Variants in GTF3C5 observed in about 807,000 individuals in gnomAD.
GTF3C5 encodes general transcription factor 3C polypeptide 5.
A neutral mutation model predicts 61.0 loss-of-function variants in GTF3C5; 47 were observed. That is an observed-to-expected ratio of 0.77 (90% CI 0.61 to 0.98). GTF3C5 has a LOEUF of 0.98. Among genes scored for constraint, GTF3C5 ranks in the 50% least tolerant of loss-of-function variants. The pLI is 0.00. For synonymous variants in GTF3C5, 295 were observed against 275.4 expected (o/e 1.07, Z -0.71); for missense variants, 659 against 703.3 (o/e 0.94, Z 0.71).
chr9:133,055,580 A>T (rs1829914158), intron 8 of GTF3C5: 1 of 985,322 alleles, frequency 1.0e-6, no homozygotes, highest in Admixed American at 6.1e-5. Context: ...GAGAGAGCAA[A>T]CACTCACTAA....
At chr9:133,054,292 G>GCTGGCGTGC in intron 6 of GTF3C5, 116 bp from the exon 7 acceptor site, 1 of 802,026 alleles carries the variant, frequency 1.2e-6, no homozygotes, top group Non-Finnish European at 2.1e-6. Context: ...GCAGTCTGGG[G>GCTGGCGTGC]TTGCCCTCTC....
rs914615285 is a variant in GTF3C5 at position 133,054,335 on chromosome 9, C to A, written c.989-73C>A. 16 of 1,275,886 alleles carry A rather than the reference C, an allele frequency of 1.3e-5. No individual in the cohort carries two copies. The African/African-American group carries it at 2.0e-4, about 16-fold the overall frequency. The allele number at this position is 1,275,886 out of a possible 1,614,324, so 79.0% of individuals were successfully genotyped here. A position where few individuals can be genotyped will look rare whatever the true frequency, so the allele number is the denominator to read the frequency against. On this transcript the variant is annotated intron_variant, in intron 6 of 10. Transcript: ENST00000372097. ...GGCCCCATGGACCCAACTCCCATCTCCAGTGTGAAGCCAGTGTTGTGTGCC... is the reference window on the plus strand; with the variant it reads ...GGCCCCATGGACCCAACTCCCATCTACAGTGTGAAGCCAGTGTTGTGTGCC...
chr9:133,055,318 G>T, intron 8 of GTF3C5: 1 of 1,375,626 alleles, frequency 7.3e-7, no homozygotes, highest in Non-Finnish European at 9.6e-7. Flanking sequence ...AGGCCGAGAA[G>T]GGGGCATCCC....
At chr9:133,030,752 G>T, upstream of GTF3C5, 1 of 589,714 alleles carries the variant, frequency 1.7e-6, no homozygotes, top group Non-Finnish European at 3.1e-6. Context: ...AGGAGAGACT[G>T]GTGCTTGCCC....
Position 133,042,117 on chromosome 9 carries a change from C to T in GTF3C5, c.184C>T (p.Leu62=), listed in dbSNP as rs756545852. The change falls in exon 2 of 11, where the codon CTG becomes TTG. Residue 62 remains leucine (L), a synonymous_variant. Transcript: ENST00000372097. ...CGCAGACCCCACCAAGAGGCTGGAG[C>T]TGTACTTCCGGCCCAAGGACCCATA... is the stretch of plus-strand genomic sequence containing the variant. ...IYADPTKRLE[L]YFRPKDPYCH... is the part of the protein sequence containing the mutation. 5.6e-6 allele frequency: 9 copies of T among 1,613,890 alleles called. No homozygotes were observed. Among genetic ancestry groups the T allele is most frequent in the South Asian group, 4.4e-5 (4 of 91,052 alleles).
In GTF3C5 at chr9:133,051,005, G is replaced by A. The variant is rs775193349; in HGVS notation, c.768+27G>A. The A allele has an allele frequency of 4.2e-5, 64 of 1,532,728 alleles. No individual in the cohort carries two copies. In the Middle Eastern group the frequency reaches 1.1e-3, roughly 27 times the overall value. The allele number at this position is 1,532,728 out of a possible 1,614,324, so 94.9% of individuals were successfully genotyped here. A position where few individuals can be genotyped will look rare whatever the true frequency, so the allele number is the denominator to read the frequency against. On this transcript the variant is annotated intron_variant, in intron 4 of 10. Coordinates refer to ENST00000372097, the MANE Select transcript of GTF3C5 (RefSeq NM_012087.4). The stretch of plus-strand genomic sequence containing the variant: ...CAAGTCCTGCGCTGCGCCTGGCCCC[G>A]GTGGCTCCAGCCTCTCTGTTGGCTT...
At chr9:133,034,724 G>A (rs955312935) in intron 1 of GTF3C5, among the ~76,000 whole-genome samples, 17 of 152,282 alleles carry the variant, frequency 1.1e-4, no homozygotes, top group African/African-American at 4.1e-4. Flanking sequence ...TCCCCAGGCT[G>A]ATGCTGGTGT....
chr9:133,049,065 T>TG (rs1304266312), intron 3 of GTF3C5, among the ~76,000 whole-genome samples: 1 of 152,192 alleles, frequency 6.6e-6, no homozygotes, highest in African/African-American at 2.4e-5. Context: ...AACTGGAGGA[T>TG]GGTGGGTCCC....
chr9:133,056,179 G>A lies in GTF3C5; in HGVS notation c.1250+85G>A, dbSNP rs112990533. 8.6e-5 allele frequency: 97 copies of A among 1,123,860 alleles called. 1 individual carries two copies. Among genetic ancestry groups the A allele is most frequent in the African/African-American group, 6.1e-4 (40 of 65,056 alleles). The allele number at this position is 1,123,860 out of a possible 1,614,324, so 69.6% of individuals were successfully genotyped here. ...CGGTCTCTGAACTCTTCCACTTCAC[G>A]TCGGCCTTCATCTCCGGCAAGAGCA... is the stretch of plus-strand genomic sequence containing the variant. On this transcript the variant is annotated intron_variant, in intron 9 of 10. Coordinates refer to ENST00000372097, the MANE Select transcript of GTF3C5 (RefSeq NM_012087.4).
intron 7 of GTF3C5, 42 bp downstream of exon 7, chr9:133,054,530 C>A: frequency 6.3e-7 from 1 of 1,583,314 alleles, no homozygotes; most frequent in Non-Finnish European, 8.7e-7. Context: ...GAGTGATTTG[C>A]CAAGGAAGGC....
chr9:133,054,893 T>C, intron 8 of GTF3C5, 84 bp downstream of exon 8: 3 of 1,536,766 alleles, frequency 2.0e-6, no homozygotes, highest in Non-Finnish European at 2.6e-6. Context: ...TGGGGGGCTG[T>C]GATTAGGGCA....
At chr9:133,032,356 A>G (rs1285331435) in intron 1 of GTF3C5, among the ~76,000 whole-genome samples, 2 of 152,202 alleles carry the variant, frequency 1.3e-5, no homozygotes, top group East Asian at 1.9e-4. Context: ...GGTGTGGGTT[A>G]CAGTGACGGG....
intron 8 of GTF3C5, chr9:133,055,692 C>T (rs1829918283): frequency 1.0e-6 from 1 of 985,424 alleles, no homozygotes; most frequent in Non-Finnish European, 1.2e-6. Flanking sequence ...TGCAGGAGGG[C>T]ACAGAGAGCA....
intron 1 of GTF3C5, among the ~76,000 whole-genome samples, chr9:133,040,891 T>C (rs187852265): frequency 1.3e-5 from 2 of 152,340 alleles, no homozygotes; most frequent in Admixed American, 1.3e-4. Context: ...ATAGACATGA[T>C]TATATATGAA....
chr9:133,049,353 C>T (rs746788799), intron 3 of GTF3C5, among the ~76,000 whole-genome samples: 4 of 152,220 alleles, frequency 2.6e-5, no homozygotes, highest in African/African-American at 4.8e-5. Context: ...CGGTTTCTAA[C>T]GCAGGCACTT....
At chr9:133,041,360 T>G (rs1039813316) in intron 1 of GTF3C5, among the ~76,000 whole-genome samples, 1 of 152,206 alleles carries the variant, frequency 6.6e-6, no homozygotes, top group African/African-American at 2.4e-5. Context: ...ACCTTCATGT[T>G]CCGTCCTGTA....
chr9:133,051,070 G>A (rs1238333295), intron 4 of GTF3C5, 92 bp downstream of exon 4: 4 of 1,019,852 alleles, frequency 3.9e-6, no homozygotes, highest in Non-Finnish European at 5.6e-6. Flanking sequence ...TGGCTGTGGG[G>A]TTGGCTGCAC....
chr9:133,039,074 A>T (rs900932908), intron 1 of GTF3C5, among the ~76,000 whole-genome samples: 1 of 152,024 alleles, frequency 6.6e-6, no homozygotes, highest in African/African-American at 2.4e-5. Context: ...TTTACGGGGG[A>T]AGGAACTTGT....
intron 3 of GTF3C5, among the ~76,000 whole-genome samples, chr9:133,049,841 A>T (rs1037450573): frequency 6.6e-6 from 1 of 151,760 alleles, no homozygotes; most frequent in Non-Finnish European, 1.5e-5. Flanking sequence ...GATTTCTCCT[A>T]TGCCCCCCAG....
Sources: allele counts gnomAD v4.1 joint callset (sites outside exome capture counted in the v4.1 genomes callset), GRCh38; gene constraint gnomAD v4.1.1; transcripts MANE v1.5; gene names NCBI Gene and HGNC (gene_info 2026-07-23, HGNC 2026-07-21).